CLIC5: variants seen among roughly 807,000 people sequenced by gnomAD.
CLIC5 encodes CLIC family member 5.
In CLIC5, 20 loss-of-function variants were observed where a neutral mutation model predicts 24.7. That is an observed-to-expected ratio of 0.81 (90% CI 0.57 to 1.18). The LOEUF (loss-of-function observed/expected upper bound fraction) is 1.18, where lower values mean the gene tolerates loss of function less well. Ranked by LOEUF, CLIC5 falls within the 50% of genes most tolerant of loss-of-function variation. CLIC5 has a pLI of 0.00. For synonymous variants in CLIC5, 159 were observed against 135.6 expected (o/e 1.17, Z -1.20); for missense variants, 341 against 326.1 (o/e 1.05, Z -0.35).
At chr6:45,945,632 G>A (rs942927327) in intron 3 of CLIC5, among the ~76,000 whole-genome samples, 8 of 152,064 alleles carry the variant, frequency 5.3e-5, no homozygotes, top group African/African-American at 1.7e-4. Context: ...TTTTATGGCC[G>A]CTTTGTTACT....
intron 1 of CLIC5, among the ~76,000 whole-genome samples, chr6:46,021,637 G>A (rs1002125980): frequency 3.9e-5 from 6 of 152,146 alleles, no homozygotes; most frequent in African/African-American, 9.7e-5. Flanking sequence ...GCACAACACA[G>A]GTAAATCTCA....
chr6:45,989,840 G>A (rs954646559), intron 1 of CLIC5, among the ~76,000 whole-genome samples: 1 of 152,132 alleles, frequency 6.6e-6, no homozygotes, highest in South Asian at 2.1e-4. Context: ...TCACCATCAG[G>A]ACATTGATGG....
intron 6 of CLIC5, among the ~76,000 whole-genome samples, chr6:45,887,240 CTTGCAGTT>C (rs917489763): frequency 1.3e-5 from 2 of 152,182 alleles, no homozygotes; most frequent in African/African-American, 4.8e-5. Flanking sequence ...CATTTATTCT[CTTGCAGTT>C]TTATAGGCTA....
chr6:45,962,806 C>T (rs1764895348), intron 1 of CLIC5, among the ~76,000 whole-genome samples: 2 of 152,196 alleles, frequency 1.3e-5, no homozygotes, highest in Non-Finnish European at 2.9e-5. Flanking sequence ...CATAACTAGC[C>T]TGGTCTGATG....
At chr6:46,065,924 T>C (rs1320587658) in intron 1 of CLIC5, among the ~76,000 whole-genome samples, 2 of 152,162 alleles carry the variant, frequency 1.3e-5, no homozygotes, top group East Asian at 1.9e-4. Context: ...TATATCCCAA[T>C]ACTGTTGGCC....
chr6:46,038,227 CCAGT>C (rs1202463820), intron 1 of CLIC5, among the ~76,000 whole-genome samples: 1 of 152,110 alleles, frequency 6.6e-6, no homozygotes, highest in Non-Finnish European at 1.5e-5. Flanking sequence ...GATGTTTTGT[CCAGT>C]CAGTTAGCAG....
upstream of CLIC5, among the ~76,000 whole-genome samples, chr6:46,081,282 T>G (rs556320825): frequency 6.6e-6 from 1 of 152,288 alleles, no homozygotes; most frequent in African/African-American, 2.4e-5. Flanking sequence ...CCTGCTTCCC[T>G]TTGCCACACC....
chr6:46,033,660 A>G (rs1767574666), intron 1 of CLIC5, among the ~76,000 whole-genome samples: 1 of 152,184 alleles, frequency 6.6e-6, no homozygotes, highest in Admixed American at 6.5e-5. Flanking sequence ...GACAGAGCAG[A>G]GAGAAGAAAC....
the CLIC5 span, among the ~76,000 whole-genome samples, chr6:46,091,115 G>A: frequency 1.2e-3 from 177 of 152,260 alleles, no homozygotes; most frequent in African/African-American, 4.0e-3. Flanking sequence ...TTCTTTGAGC[G>A]ATTAAGCTCT....
At chr6:45,961,883 T>A (rs956638073) in intron 1 of CLIC5, among the ~76,000 whole-genome samples, 4 of 152,128 alleles carry the variant, frequency 2.6e-5, no homozygotes, top group Admixed American at 2.6e-4. Context: ...GCTACAGAGA[T>A]CCTCAACATT....
chr6:45,934,362 A>G (rs1017371404), intron 4 of CLIC5: 2 of 152,204 alleles, frequency 1.3e-5, no homozygotes, highest in African/African-American at 4.8e-5. Flanking sequence ...ATTTTAAAAT[A>G]GAAAGAAGGC....
chr6:45,904,557 G>A (rs1165767190), intron 5 of CLIC5, among the ~76,000 whole-genome samples: 1 of 141,858 alleles, frequency 7.0e-6, no homozygotes, highest in African/African-American at 2.6e-5. Context: ...ACATTAGCTG[G>A]TCCTCCTCTA....
chr6:45,909,597 T>C (rs1049444480), intron 5 of CLIC5, among the ~76,000 whole-genome samples: 22 of 152,318 alleles, frequency 1.4e-4, no homozygotes, highest in African/African-American at 4.6e-4. Context: ...ATGCTGAAAA[T>C]AGGCCCTCAA....
upstream of CLIC5, among the ~76,000 whole-genome samples, chr6:46,082,822 A>G (rs1355978710): frequency 6.6e-6 from 1 of 151,944 alleles, no homozygotes; most frequent in Non-Finnish European, 1.5e-5. Flanking sequence ...TTTCCATAAT[A>G]TTTATCACCC....
chr6:46,008,184 C>T (rs977937529), intron 1 of CLIC5, among the ~76,000 whole-genome samples: 3 of 152,180 alleles, frequency 2.0e-5, no homozygotes, highest in Non-Finnish European at 2.9e-5. Context: ...ATTCAAGGCC[C>T]CCTCCTGCCA....
chr6:46,063,425 G>A (rs981564052), intron 1 of CLIC5, among the ~76,000 whole-genome samples: 5 of 152,282 alleles, frequency 3.3e-5, no homozygotes, highest in Admixed American at 1.3e-4. Flanking sequence ...TAGGATACAC[G>A]GGACCCAAAC....
At chr6:45,975,962 G>GA (rs995581504) in intron 1 of CLIC5, among the ~76,000 whole-genome samples, 204 of 151,934 alleles carry the variant, frequency 1.3e-3, no homozygotes, top group African/African-American at 4.6e-3. Context: ...ATCAGTGATG[G>GA]AAAAAAAACC....
intron 1 of CLIC5, among the ~76,000 whole-genome samples, chr6:46,002,589 A>G (rs1318742998): frequency 6.6e-6 from 1 of 152,184 alleles, no homozygotes; most frequent in Non-Finnish European, 1.5e-5. Flanking sequence ...TGATAAAGTA[A>G]TCCCAGATAA....
chr6:45,987,816 C>T (rs1765795665), intron 1 of CLIC5, among the ~76,000 whole-genome samples: 1 of 152,132 alleles, frequency 6.6e-6, no homozygotes, highest in African/African-American at 2.4e-5. Context: ...ACTCTTATGA[C>T]TTCATTTAAC....
Sources: allele counts gnomAD v4.1 joint callset (sites outside exome capture counted in the v4.1 genomes callset), GRCh38; gene constraint gnomAD v4.1.1; transcripts MANE v1.5; gene names NCBI Gene and HGNC (gene_info 2026-07-23, HGNC 2026-07-21).